Variants in CTBP2 observed in about 807,000 individuals in gnomAD.
CTBP2 encodes C-terminal binding protein 2.
CTBP2 carries 30 observed loss-of-function variants against 80.3 expected under a neutral mutation model. The observed-to-expected ratio is 0.37, with a 90% CI of 0.28 to 0.51. The LOEUF (loss-of-function observed/expected upper bound fraction) is 0.51. CTBP2 is among the 20% of genes least tolerant of loss of function. CTBP2 has a pLI of 0.93. For missense variants in CTBP2, 1,212 were observed against 1,375.3 expected, an observed-to-expected ratio of 0.88 and a Z score of 1.88; for synonymous variants, 594 against 587.4, an observed-to-expected ratio of 1.01 and a Z score of -0.16.
At chr10:125,097,365 A>G (rs1355522133) in intron 2 of CTBP2, among the ~76,000 whole-genome samples, 1 of 152,204 alleles carries the variant, frequency 6.6e-6, no homozygotes, top group East Asian at 1.9e-4. Context: ...AGAAAAGGAG[A>G]AAGCAGCAGC....
chr10:125,098,724 CAGAGAGAGAGAGAGAG>C, intron 2 of CTBP2, among the ~76,000 whole-genome samples: 1 of 75,698 alleles, frequency 1.3e-5, no homozygotes, highest in East Asian at 4.1e-4. Context: ...GAGAGAGAGA[CAGAGAGAGAGAGAGAG>C]AGAGAGAGAC....
At chr10:125,057,963 G>A (rs1271983947) in intron 2 of CTBP2, among the ~76,000 whole-genome samples, 5 of 139,786 alleles carry the variant, frequency 3.6e-5, no homozygotes, top group Non-Finnish European at 6.1e-5. Flanking sequence ...GCTCAGGGCC[G>A]TGGCAGGAAT....
chr10:125,097,416 G>A (rs903071276), intron 2 of CTBP2, among the ~76,000 whole-genome samples: 1 of 152,204 alleles, frequency 6.6e-6, no homozygotes, highest in Non-Finnish European at 1.5e-5. Context: ...CAACACTGCA[G>A]GGAACAGTTA....
At chr10:125,041,381 C>T (rs1959696932) in intron 2 of CTBP2, among the ~76,000 whole-genome samples, 1 of 152,014 alleles carries the variant, frequency 6.6e-6, no homozygotes, top group African/African-American at 2.4e-5. Flanking sequence ...CTGCGCCTAG[C>T]CAGTGCTGGG....
At chr10:125,062,204 G>C (rs948818035) in intron 2 of CTBP2, among the ~76,000 whole-genome samples, 7 of 152,134 alleles carry the variant, frequency 4.6e-5, no homozygotes, top group African/African-American at 1.2e-4. Context: ...GTCCAGCCTC[G>C]GTTCTGGACT....
At chr10:125,046,395 A>T (rs7095721) in intron 2 of CTBP2, among the ~76,000 whole-genome samples, 2 of 151,774 alleles carry the variant, frequency 1.3e-5, no homozygotes, top group African/African-American at 4.8e-5. Flanking sequence ...AAAATTAGCC[A>T]GGCATGGTGG....
At chr10:125,017,749 T>C (rs985164586) in intron 1 of CTBP2, among the ~76,000 whole-genome samples, 2 of 152,226 alleles carry the variant, frequency 1.3e-5, no homozygotes, top group African/African-American at 4.8e-5. Flanking sequence ...AGATGCAGCA[T>C]GGTCTTGAGG....
At chr10:125,071,122 G>GC (rs1173273717) in intron 2 of CTBP2, among the ~76,000 whole-genome samples, 57 of 152,188 alleles carry the variant, frequency 3.7e-4, no homozygotes, top group Non-Finnish European at 5.4e-4. Context: ...CGAGCCGTGT[G>GC]CCAGGGCTGC....
At chr10:125,058,885 C>G (rs2135313552) in intron 2 of CTBP2, among the ~76,000 whole-genome samples, 1 of 152,244 alleles carries the variant, frequency 6.6e-6, no homozygotes, top group East Asian at 1.9e-4. Flanking sequence ...CAGGGTGAGA[C>G]TCTGTCTCAA....
At chr10:125,108,596 C>T (rs1021428751) in intron 2 of CTBP2, among the ~76,000 whole-genome samples, 9 of 152,140 alleles carry the variant, frequency 5.9e-5, no homozygotes, top group African/African-American at 1.7e-4. Flanking sequence ...GGCATGGTGA[C>T]GTTCCACAGA....
intron 2 of CTBP2, among the ~76,000 whole-genome samples, chr10:125,050,032 G>C (rs1473690689): frequency 6.7e-6 from 1 of 149,128 alleles, no homozygotes; most frequent in African/African-American, 2.5e-5. Flanking sequence ...AGGCACCTGG[G>C]GTGGCCCATC....
At chr10:125,102,346 G>A (rs961800631) in intron 2 of CTBP2, among the ~76,000 whole-genome samples, 2 of 152,252 alleles carry the variant, frequency 1.3e-5, no homozygotes, top group African/African-American at 4.8e-5. Flanking sequence ...AAGTGCCAGA[G>A]CCGCTGGGGC....
chr10:125,144,456 A>G (rs966587952), intron 1 of CTBP2, among the ~76,000 whole-genome samples: 1 of 152,234 alleles, frequency 6.6e-6, no homozygotes, highest in African/African-American at 2.4e-5. Context: ...ATGTATAACA[A>G]AGTACTTCTG....
intron 2 of CTBP2, chr10:125,100,749 T>G (rs1001902668): frequency 1.3e-5 from 2 of 152,216 alleles, no homozygotes; most frequent in African/African-American, 4.8e-5. Flanking sequence ...TCCAGAATCC[T>G]CTTCCTAGAT....
chr10:125,086,737 G>A (rs1021841494), intron 2 of CTBP2, among the ~76,000 whole-genome samples: 3 of 151,936 alleles, frequency 2.0e-5, no homozygotes, highest in African/African-American at 7.3e-5. Context: ...TCTTGGTCTT[G>A]GATTTCCCAA....
intron 1 of CTBP2, among the ~76,000 whole-genome samples, chr10:125,123,994 C>A (rs941590397): frequency 2.0e-5 from 3 of 152,238 alleles, no homozygotes; most frequent in Non-Finnish European, 4.4e-5. Context: ...GACTCCCTGA[C>A]CCAGTCTGGC....
At chr10:125,132,916 T>C (rs1590989341) in intron 1 of CTBP2, among the ~76,000 whole-genome samples, 1 of 152,198 alleles carries the variant, frequency 6.6e-6, no homozygotes, top group Non-Finnish European at 1.5e-5. Context: ...ATTTTAACAG[T>C]ATGGCAAAAT....
At chr10:125,008,439 G>T (rs1955506114) in intron 1 of CTBP2, among the ~76,000 whole-genome samples, 1 of 152,234 alleles carries the variant, frequency 6.6e-6, no homozygotes. Context: ...AGAGCTGACC[G>T]AGCTATCACA....
rs532891335 is a variant in CTBP2, at chr10:125,090,720, A to G, written c.-102+20270T>C. Among the ~76,000 whole-genome samples, 6 of 151,862 alleles carry G rather than the reference A, an allele frequency of 4.0e-5. No individual in the cohort carries two copies. The East Asian group carries it at 1.2e-3, about 29-fold the overall frequency. On this transcript the variant is annotated intron_variant, in intron 2 of 10. Transcript: ENST00000337195. ...CGAGGCTGTAGTAAGCTGTGCTGGCACTCACCCTGGACGACAGAGCAAGAT... is the reference window on the plus strand; with the variant it reads ...CGAGGCTGTAGTAAGCTGTGCTGGCGCTCACCCTGGACGACAGAGCAAGAT...
Sources: allele counts gnomAD v4.1 joint callset (sites outside exome capture counted in the v4.1 genomes callset), GRCh38; gene constraint gnomAD v4.1.1; transcripts MANE v1.5; gene names NCBI Gene and HGNC (gene_info 2026-07-23, HGNC 2026-07-21).